The following CDH23 variants were observed in gnomAD, a reference collection of about 807,000 sequenced individuals.
CDH23 encodes cadherin related 23.
Under a neutral mutation model 317.1 loss-of-function variants are expected in CDH23, and 189 were observed. That is an observed-to-expected ratio of 0.60 (90% CI 0.53 to 0.67). CDH23 has a LOEUF of 0.67. Ranked by LOEUF, CDH23 falls within the 30% of genes least tolerant of loss-of-function variation. The pLI is 0.00. For missense variants in CDH23, 4,401 were observed against 4,592.4 expected, an observed-to-expected ratio of 0.96 and a Z score of 1.20; for synonymous variants, 1,839 against 1,876.8, an observed-to-expected ratio of 0.98 and a Z score of 0.52.
At chr10:71,417,368 T>G (rs1266056352) in intron 1 of CDH23, among the ~76,000 whole-genome samples, 1 of 152,216 alleles carries the variant, frequency 6.6e-6, no homozygotes, top group Non-Finnish European at 1.5e-5. Flanking sequence ...TGAGCCACCG[T>G]GCCCGACCTT....
chr10:71,463,636 T>C (rs1488764810), intron 3 of CDH23, among the ~76,000 whole-genome samples: 3 of 152,214 alleles, frequency 2.0e-5, no homozygotes, highest in African/African-American at 7.2e-5. Context: ...AGGGTGTTCT[T>C]GTCTGTAAAT....
chr10:71,446,670 T>G (rs2044290320), intron 3 of CDH23, among the ~76,000 whole-genome samples: 2 of 152,206 alleles, frequency 1.3e-5, no homozygotes, highest in South Asian at 4.1e-4. Context: ...TTGAAGGCCT[T>G]GTGAATATTT....
chr10:71,723,945 T>C (rs1866686036), intron 28 of CDH23, 100 bp from the exon 29 acceptor site: 4 of 1,336,948 alleles, frequency 3.0e-6, no homozygotes, highest in African/African-American at 1.5e-5. Context: ...TTTGGCAGGA[T>C]GGGGTAGGAT....
intron 29 of CDH23, among the ~76,000 whole-genome samples, chr10:71,724,813 C>G (rs1866735004): frequency 6.6e-6 from 1 of 152,176 alleles, no homozygotes; most frequent in African/African-American, 2.4e-5. Context: ...TCCCACTTCT[C>G]GAATCAGGGG....
chr10:71,424,947 G>A (rs764596819), intron 1 of CDH23, among the ~76,000 whole-genome samples: 3 of 152,212 alleles, frequency 2.0e-5, no homozygotes, highest in African/African-American at 7.2e-5. Context: ...TGGTCACAGG[G>A]CCCTGTCTAA....
intron 6 of CDH23, 50 bp downstream of exon 6, chr10:71,511,262 C>T: frequency 6.8e-7 from 1 of 1,478,632 alleles, no homozygotes; most frequent in Non-Finnish European, 9.5e-7. Context: ...CTGCTGCTCC[C>T]CAGACCACCA....
intron 10 of CDH23, among the ~76,000 whole-genome samples, chr10:71,616,027 A>C (rs1861168711): frequency 6.6e-6 from 1 of 152,230 alleles, no homozygotes; most frequent in Admixed American, 6.5e-5. Flanking sequence ...CTTCCTGTTA[A>C]GAAACAGCAA....
intron 31 of CDH23, 76 bp from the exon 32 acceptor site, chr10:71,731,911 G>A (rs1221006819): frequency 3.3e-6 from 5 of 1,505,080 alleles, no homozygotes; most frequent in Non-Finnish European, 4.5e-6. Flanking sequence ...GGGTATGGGT[G>A]TGGCAGCTTG....
At chr10:71,735,338 AG>A (rs1233785193) in intron 34 of CDH23, among the ~76,000 whole-genome samples, 6 of 151,952 alleles carry the variant, frequency 3.9e-5, no homozygotes, top group Non-Finnish European at 5.9e-5. Context: ...CCCCTGGGGG[AG>A]GGGGGCCCAC....
intron 14 of CDH23, chr10:71,648,053 C>G (rs186148885): frequency 6.6e-6 from 1 of 152,330 alleles, no homozygotes; most frequent in East Asian, 1.9e-4. Context: ...CTGCACTGAG[C>G]CCCCAGGCCC....
Position 71,800,744 on chromosome 10 carries a change from A to G in CDH23, c.7471A>G (p.Asn2491Asp), listed in dbSNP as rs368141143. The change falls in exon 53 of 70, where the codon AAT (asparagine) becomes GAT (aspartate). Residue 2491 changes from asparagine to aspartate, a missense_variant. Asn to Asp is a conservative substitution (Grantham distance 23, BLOSUM62 1). Around this residue, in one of 3 missense-constraint regions of CDH23, gnomAD observed 189 missense variants for 250.9 expected, o/e 0.75. Coordinates refer to ENST00000224721, the MANE Select transcript of CDH23 (RefSeq NM_022124.6). Reference protein sequence around the residue: ...PGDVASNRRENSVQVVIQVLD... With the variant: ...PGDVASNRREDSVQVVIQVLD... ...GGATGTAGCCAGCAACCGTCGCGAA[A>G]ATTCAGTGCAGGTGAGGGGTGCCAA... 1 of 1,613,888 alleles carries G rather than the reference A, an allele frequency of 6.2e-7. No homozygotes were observed. Among genetic ancestry groups the G allele is most frequent in the African/African-American group, 1.3e-5 (1 of 75,012 alleles).
intron 8 of CDH23, among the ~76,000 whole-genome samples, chr10:71,576,035 C>T (rs1858168993): frequency 6.6e-6 from 1 of 152,226 alleles, no homozygotes; most frequent in African/African-American, 2.4e-5. Context: ...GTCCTCCTGT[C>T]CTGGAGAACC....
At chr10:71,473,556 C>T (rs1007317588) in intron 3 of CDH23, among the ~76,000 whole-genome samples, 1 of 152,194 alleles carries the variant, frequency 6.6e-6, no homozygotes, top group African/African-American at 2.4e-5. Flanking sequence ...GGGCCCAAAT[C>T]CTGGTATCCA....
rs1238585462 is a variant in CDH23, at chr10:71,704,989, T to C, written c.2812T>C (p.Phe938Leu). Reference sequence around the variant, plus strand: ...GCCGGTGGGCATGCCCCGCATGGACTTCCTCATCAACAGCAGCAGCGGCGT... The same window carrying C: ...GCCGGTGGGCATGCCCCGCATGGACCTCCTCATCAACAGCAGCAGCGGCGT... ...RMPVGMPRMD[F>L]LINSSSGVVV... The change falls in exon 25 of 70, where the codon TTC becomes CTC. Residue 938 changes from phenylalanine to leucine, a missense_variant. Phe to Leu is a conservative substitution (Grantham distance 22, BLOSUM62 0). Coordinates refer to ENST00000224721, the MANE Select transcript of CDH23 (RefSeq NM_022124.6). 1 of 1,612,582 alleles carries C rather than the reference T, an allele frequency of 6.2e-7. No individual in the cohort carries two copies. The highest frequency in any genetic ancestry group is 8.5e-7 in the Non-Finnish European group (1 of 1,179,804).
intron 22 of CDH23, among the ~76,000 whole-genome samples, chr10:71,700,092 CAT>C (rs1865526643): frequency 6.6e-6 from 1 of 152,196 alleles, no homozygotes; most frequent in African/African-American, 2.4e-5. Context: ...GGGAGAAAAT[CAT>C]CTCTCCCCCA....
chr10:71,664,918 A>C (rs1589310526), intron 14 of CDH23, among the ~76,000 whole-genome samples: 1 of 128,070 alleles, frequency 7.8e-6, no homozygotes, highest in Non-Finnish European at 1.6e-5. Flanking sequence ...TCTCTCCCCC[A>C]GCCCCCATCA....
intron 30 of CDH23, among the ~76,000 whole-genome samples, chr10:71,728,413 C>T (rs879634166): frequency 6.6e-6 from 1 of 152,126 alleles, no homozygotes; most frequent in Admixed American, 6.5e-5. Flanking sequence ...TCTCTGCCCC[C>T]AGCCCTGCCA....
At chr10:71,478,531 T>C (rs1445401972) in intron 3 of CDH23, among the ~76,000 whole-genome samples, 4 of 152,240 alleles carry the variant, frequency 2.6e-5, no homozygotes, top group African/African-American at 7.2e-5. Flanking sequence ...CCCTGCATGA[T>C]AGAGCTTGTC....
intron 15 of CDH23, 113 bp from the exon 16 acceptor site, chr10:71,677,343 A>G (rs1342378449): frequency 1.2e-6 from 1 of 827,254 alleles, no homozygotes. Context: ...TTCAGACTTC[A>G]TTTGTTTCTG....
Sources: gnomAD v4.1 joint callset for allele counts (sites outside exome capture counted in the v4.1 genomes callset) on GRCh38, gnomAD v4.1.1 for gene constraint, gnomAD v4.1.1 regional missense constraint, MANE v1.5 for transcripts, NCBI Gene and HGNC (gene_info 2026-07-23, HGNC 2026-07-21) for gene names.